Variants in PTDSS1 observed in about 807,000 individuals in gnomAD.
PTDSS1 encodes the protein PSS-1.
Under a neutral mutation model 70.5 loss-of-function variants are expected in PTDSS1, and 45 were observed. The observed-to-expected ratio is 0.64, with a 90% CI of 0.50 to 0.82. The LOEUF (loss-of-function observed/expected upper bound fraction) is 0.82, where lower values mean the gene tolerates loss of function less well. Ranked by LOEUF, PTDSS1 falls within the 40% of genes least tolerant of loss-of-function variation. PTDSS1 has a pLI of 0.00. For synonymous variants in PTDSS1, 188 were observed against 203.8 expected, an observed-to-expected ratio of 0.92 and a Z score of 0.66; for missense variants, 417 against 586.1, an observed-to-expected ratio of 0.71 and a Z score of 2.98.
rs1810787764 is a variant in PTDSS1, at chr8:96,284,149, T to TATA, written c.312_313insATA (p.Val104_Phe105insIle). ...CTCATCCAGCCTTATGGCGAATGGTTTTTGGTGAGTTTATATTAGCAATGT... is the reference window on the plus strand; with the variant it reads ...CTCATCCAGCCTTATGGCGAATGGTTATATTTGGTGAGTTTATATTAGCAATGT... On this transcript the variant is annotated inframe_insertion, in exon 3 of 13. Transcript: ENST00000517309. 2 of 1,605,456 alleles carry TATA rather than the reference T, an allele frequency of 1.2e-6. No homozygotes were observed. Among genetic ancestry groups the TATA allele is most frequent in the Non-Finnish European group, 1.7e-6 (2 of 1,172,796 alleles).
intron 10 of PTDSS1, among the ~76,000 whole-genome samples, chr8:96,325,492 G>A (rs539091270): frequency 1.3e-5 from 2 of 152,172 alleles, no homozygotes; most frequent in South Asian, 4.2e-4. Flanking sequence ...AGCCCCCCAG[G>A]CCCCAGCTAA....
chr8:96,321,505 G>A (rs1005652852), intron 10 of PTDSS1, among the ~76,000 whole-genome samples: 1 of 152,054 alleles, frequency 6.6e-6, no homozygotes, highest in East Asian at 1.9e-4. Context: ...TCTTTCCCTC[G>A]TAATTTATCG....
Position 96,287,040 on chromosome 8 carries a change from T to C in PTDSS1, c.335T>C (p.Phe112Ser). ...RMVFGLSVLY[F>S]LFLVFLLFLN... ...CTCTCAGGACTCAGTGTGCTCTACT[T>C]CCTGTTCCTGGTATTCCTACTCTTC... The change falls in exon 4 of 13, where the codon TTC (phenylalanine) becomes TCC (serine). Residue 112 changes from phenylalanine to serine, a missense_variant. Around this residue, in one of 3 missense-constraint regions of PTDSS1, gnomAD observed 272 missense variants for 429.5 expected, o/e 0.63. Coordinates refer to ENST00000517309, the MANE Select transcript of PTDSS1 (RefSeq NM_014754.3). The C allele has an allele frequency of 6.2e-7, 1 of 1,614,070 alleles. No individual in the cohort carries two copies. Among genetic ancestry groups the C allele is most frequent in the Non-Finnish European group, 8.5e-7 (1 of 1,179,932 alleles).
chr8:96,310,105 G>A (rs1197752507), intron 9 of PTDSS1, among the ~76,000 whole-genome samples: 5 of 151,572 alleles, frequency 3.3e-5, no homozygotes, highest in Non-Finnish European at 4.4e-5. Flanking sequence ...CTGCACTCCA[G>A]CCTGGGCGAT....
Position 96,335,866 on chromosome 8 carries a change from A to G in PTDSS1, c.*2300A>G, listed in dbSNP as rs1277516079. The G allele has an allele frequency of 6.6e-6, 1 of 152,220 alleles. No individual in the cohort carries two copies. The highest frequency in any genetic ancestry group is 1.5e-5 in the Non-Finnish European group (1 of 68,034). 9.4% of individuals were successfully genotyped at this position (152,220 alleles called of 1,614,324 possible). On this transcript the variant is annotated 3_prime_UTR_variant, in exon 13 of 13. Transcript: ENST00000517309. ...ATAGAATGCGTGTTTCAGAATCATC[A>G]TTCAATATCTGAAATGATTTGATTG...
In PTDSS1 at chr8:96,266,148, A is replaced by G. The variant is rs140165011; in HGVS notation, c.179+3929A>G. On this transcript the variant is annotated intron_variant, in intron 1 of 12. Coordinates refer to ENST00000517309, the MANE Select transcript of PTDSS1 (RefSeq NM_014754.3). ...AGCTTTAGATTTAGAAAACACCAGA[A>G]TCTATTAATTCACATTCAAAGAAGC... Among the ~76,000 whole-genome samples, 1,120 of 152,348 alleles carry G rather than the reference A, an allele frequency of 7.4e-3. 14 individuals are homozygous for G. Among genetic ancestry groups the G allele is most frequent in the African/African-American group, 0.026 (1,062 of 41,578 alleles).
intron 3 of PTDSS1, 84 bp downstream of exon 3, chr8:96,284,237 C>A: frequency 8.0e-7 from 1 of 1,242,474 alleles, no homozygotes; most frequent in Non-Finnish European, 1.1e-6. Context: ...TTACTTGCTA[C>A]TCTCAATAGT....
At chr8:96,266,657 T>A (rs984914343) in intron 1 of PTDSS1, among the ~76,000 whole-genome samples, 1 of 152,248 alleles carries the variant, frequency 6.6e-6, no homozygotes, top group Non-Finnish European at 1.5e-5. Context: ...ATGCCCTTGT[T>A]GGCTGACACT....
At chr8:96,316,853 G>T (rs1039283561) in intron 9 of PTDSS1, among the ~76,000 whole-genome samples, 2 of 151,970 alleles carry the variant, frequency 1.3e-5, no homozygotes, top group Non-Finnish European at 2.9e-5. Flanking sequence ...AATTAGCCAG[G>T]TGTGGTGGCA....
At chr8:96,320,753 AT>A (rs1410654308) in intron 10 of PTDSS1, among the ~76,000 whole-genome samples, 6 of 152,248 alleles carry the variant, frequency 3.9e-5, no homozygotes, top group Admixed American at 3.9e-4. Flanking sequence ...AAAAGGACAT[AT>A]GGTCATTCAT....
chr8:96,294,656 A>T (rs1810950351), intron 4 of PTDSS1, among the ~76,000 whole-genome samples: 1 of 152,072 alleles, frequency 6.6e-6, no homozygotes. Context: ...TTTCGTTATC[A>T]TTATGACACG....
intron 10 of PTDSS1, among the ~76,000 whole-genome samples, chr8:96,328,379 A>T (rs1469566237): frequency 6.6e-6 from 1 of 152,238 alleles, no homozygotes; most frequent in Non-Finnish European, 1.5e-5. Flanking sequence ...TGCCATGAAA[A>T]TGGCACACTT....
rs577829698 is a variant in PTDSS1 at position 96,282,967 on chromosome 8, C to T, written c.272-1142C>T. ...ATTCTGAGCTTCCAGAAACAGGCACCACCCACAGAGCTGTTCTAAGGAGGA... is the reference window on the plus strand; with the variant it reads ...ATTCTGAGCTTCCAGAAACAGGCACTACCCACAGAGCTGTTCTAAGGAGGA... On this transcript the variant is annotated intron_variant, in intron 2 of 12. Coordinates refer to ENST00000517309, the MANE Select transcript of PTDSS1 (RefSeq NM_014754.3). Among the ~76,000 whole-genome samples the T allele has an allele frequency of 2.0e-5, 3 of 152,248 alleles. No individual in the cohort carries two copies. In the South Asian group the frequency reaches 6.2e-4, roughly 32 times the overall value.
chr8:96,312,450 C>T (rs1440566620), intron 9 of PTDSS1, among the ~76,000 whole-genome samples: 1 of 150,784 alleles, frequency 6.6e-6, no homozygotes, highest in Non-Finnish European at 1.5e-5. Flanking sequence ...CAGAGCAAGA[C>T]CCTGTCTCTC....
At chr8:96,265,821 A>G (rs1037076231) in intron 1 of PTDSS1, among the ~76,000 whole-genome samples, 3 of 152,248 alleles carry the variant, frequency 2.0e-5, no homozygotes, top group Non-Finnish European at 4.4e-5. Context: ...GCTGGGTGCA[A>G]TGGCTTACGC....
At chr8:96,273,416 T>C (rs1167538522) in intron 2 of PTDSS1, 26 bp downstream of exon 2, 2 of 1,518,646 alleles carry the variant, frequency 1.3e-6, no homozygotes, top group African/African-American at 2.8e-5. Context: ...CATTACCACA[T>C]TTCTCCTATA....
chr8:96,322,498 G>A lies in PTDSS1; in HGVS notation c.1173+2153G>A, dbSNP rs111381336. Among the ~76,000 whole-genome samples the A allele has an allele frequency of 7.2e-3, 1,089 of 151,954 alleles. 19 individuals are homozygous for A. The highest frequency in any genetic ancestry group is 0.025 in the African/African-American group (1,021 of 41,392). On this transcript the variant is annotated intron_variant, in intron 10 of 12. Transcript: ENST00000517309. The stretch of plus-strand genomic sequence containing the variant: ...CCCACGATCACTAAATCACTAACAC[G>A]CTCCTGTGATAACAATCCCACTCCT...
intron 2 of PTDSS1, chr8:96,283,449 T>G (rs6987316): frequency 0.23 from 34,251 of 152,192 alleles, 7,960 homozygotes; most frequent in African/African-American, 0.6. Flanking sequence ...ATCACTTGTC[T>G]TAAGGGAAAG....
chr8:96,317,215 C>A (rs1351130893), intron 9 of PTDSS1, among the ~76,000 whole-genome samples: 1 of 151,926 alleles, frequency 6.6e-6, no homozygotes, highest in East Asian at 1.9e-4. Context: ...CTCAACTCAG[C>A]CCTTTCCCCT....
Sources: allele counts gnomAD v4.1 joint callset (sites outside exome capture counted in the v4.1 genomes callset), GRCh38; gene constraint gnomAD v4.1.1; regional missense constraint gnomAD v4.1.1; transcripts MANE v1.5; gene names NCBI Gene and HGNC (gene_info 2026-07-23, HGNC 2026-07-21).